SYTL2: variants seen among roughly 807,000 people sequenced by gnomAD.
SYTL2 encodes synaptotagmin like 2.
Under a neutral mutation model 198.7 loss-of-function variants are expected in SYTL2, and 165 were observed. The ratio of observed to expected loss-of-function variants is 0.83; its 90% CI spans 0.73 to 0.94. The LOEUF (loss-of-function observed/expected upper bound fraction) is 0.94. SYTL2 is among the 40% of genes least tolerant of loss of function. The pLI, the probability that SYTL2 is intolerant of heterozygous loss-of-function variation, is 0.00. For missense variants in SYTL2, 2,835 were observed against 2,582.8 expected (o/e 1.10, Z -2.12); for synonymous variants, 966 against 917.7 (o/e 1.05, Z -0.95).
chr11:85,716,961 C>A (rs1006404447), intron 11 of SYTL2: 1 of 152,308 alleles, frequency 6.6e-6, no homozygotes, highest in Admixed American at 6.6e-5. Flanking sequence ...AGAACATTTA[C>A]CATTCAAGGC....
At chr11:85,823,570 T>C in the SYTL2 span, among the ~76,000 whole-genome samples, 2 of 152,378 alleles carry the variant, frequency 1.3e-5, no homozygotes, top group Non-Finnish European at 2.9e-5. Context: ...TTTATTTCCC[T>C]TTTTGTTTCT....
chr11:85,781,427 C>G (rs1424275726), intron 1 of SYTL2, among the ~76,000 whole-genome samples: 1 of 152,090 alleles, frequency 6.6e-6, no homozygotes, highest in East Asian at 1.9e-4. Flanking sequence ...GGGGACACAG[C>G]CAAACCATAT....
chr11:85,713,284 A>G (rs2086629365), intron 12 of SYTL2, among the ~76,000 whole-genome samples: 1 of 152,222 alleles, frequency 6.6e-6, no homozygotes, highest in South Asian at 2.1e-4. Context: ...TTGATAATGA[A>G]GCCTTTTATT....
intron 1 of SYTL2, among the ~76,000 whole-genome samples, chr11:85,797,626 C>CA (rs563235406): frequency 7.5e-3 from 655 of 87,216 alleles, no homozygotes; most frequent in East Asian, 0.036. Flanking sequence ...GACTCCTTCT[C>CA]AAAAAAAAAA....
intron 3 of SYTL2, among the ~76,000 whole-genome samples, chr11:85,746,891 G>A (rs1203752463): frequency 1.3e-5 from 2 of 152,200 alleles, no homozygotes; most frequent in Admixed American, 6.5e-5. Context: ...ACATAATCTC[G>A]GGCAAGTTAC....
At chr11:85,839,716 G>A in the SYTL2 span, among the ~76,000 whole-genome samples, 2 of 152,140 alleles carry the variant, frequency 1.3e-5, no homozygotes, top group African/African-American at 4.8e-5. Context: ...CCAAATCTTA[G>A]CTATTGTAAA....
the SYTL2 span, among the ~76,000 whole-genome samples, chr11:85,839,744 TAA>T: frequency 6.6e-6 from 1 of 152,200 alleles, no homozygotes; most frequent in African/African-American, 2.4e-5. Context: ...GCAGTAAACA[TAA>T]GAGTGTACAT....
In SYTL2 at chr11:85,694,725, T is replaced by TTA. The variant is rs398045354; in HGVS notation, c.*469_*470insTA. On this transcript the variant is annotated 3_prime_UTR_variant, in exon 20 of 20. Transcript: ENST00000359152. Reference sequence around the variant, plus strand: ...GTTTCTTAAGGTCCATTTTTTTTTTTATCATCACTGATGTCTGTCTCCATT... The same window carrying TTA: ...GTTTCTTAAGGTCCATTTTTTTTTTTTAATCATCACTGATGTCTGTCTCCATT... 2.6e-5 allele frequency: 4 copies of TTA among 152,026 alleles called. No individual in the cohort carries two copies. The highest frequency in any genetic ancestry group is 2.1e-4 in the South Asian group (1 of 4,812). 9.4% of individuals were successfully genotyped at this position (152,026 alleles called of 1,614,324 possible). A position where few individuals can be genotyped will look rare whatever the true frequency, so the allele number is the denominator to read the frequency against.
chr11:85,707,470 C>T lies in SYTL2; in HGVS notation c.5977G>A (p.Val1993Met). ...GKMGKKKTLV[V>M]KKTLNPVYNE... ...TACACAGGATTCAAGGTTTTCTTCACTACGAGTGTTTTCTTCTTGCCCATT... is the reference window on the plus strand; with the variant it reads ...TACACAGGATTCAAGGTTTTCTTCATTACGAGTGTTTTCTTCTTGCCCATT... The change falls in exon 15 of 20, where the codon GTG becomes ATG. Residue 1993 changes from valine (V) to methionine (M), a missense_variant. Around this residue, in one of 3 missense-constraint regions of SYTL2, gnomAD observed 2,645 missense variants for 2,381.7 expected, o/e 1.11. Transcript: ENST00000359152. The T allele has an allele frequency of 6.2e-7, 1 of 1,614,066 alleles. No homozygotes were observed. Among genetic ancestry groups the T allele is most frequent in the South Asian group, 1.1e-5 (1 of 91,080 alleles).
In SYTL2 at chr11:85,734,707, C is replaced by T. The variant is rs146760470; in HGVS notation, c.622G>A (p.Ala208Thr). 272 of 1,613,172 alleles carry T rather than the reference C, an allele frequency of 1.7e-4. No individual in the cohort carries two copies. The highest frequency in any genetic ancestry group is 2.0e-4 in the South Asian group (18 of 90,902). Reference protein sequence around the residue: ...LSESKEKSTVADTSIQKLEKS... With the variant: ...LSESKEKSTVTDTSIQKLEKS... ...TCTAACTTTTGGATTGAAGTATCTG[C>T]GACAGTTGACTTTTCTTTTGACTCT... is the stretch of plus-strand genomic sequence containing the variant. The change falls in exon 7 of 20, where the codon GCA (alanine) becomes ACA (threonine). Residue 208 changes from alanine to threonine, a missense_variant. This residue lies in a region of SYTL2 where 2,645 missense variants were observed against 2,381.7 expected (regional missense o/e 1.11). Transcript: ENST00000359152.
chr11:85,760,419 G>GC (rs2092065461), intron 1 of SYTL2, among the ~76,000 whole-genome samples: 1 of 152,204 alleles, frequency 6.6e-6, no homozygotes, highest in Admixed American at 6.5e-5. Flanking sequence ...GTCTCTGAAT[G>GC]TGAACAAATA....
At chr11:85,845,294 C>T in the SYTL2 span, among the ~76,000 whole-genome samples, 1 of 152,222 alleles carries the variant, frequency 6.6e-6, no homozygotes, top group East Asian at 1.9e-4. Flanking sequence ...TGTCCAACAT[C>T]TGACCTCATG....
At chr11:85,844,578 T>C in the SYTL2 span, among the ~76,000 whole-genome samples, 1 of 152,212 alleles carries the variant, frequency 6.6e-6, no homozygotes, top group African/African-American at 2.4e-5. Flanking sequence ...GCATCTCACC[T>C]GAGTCATAGA....
intron 1 of SYTL2, among the ~76,000 whole-genome samples, chr11:85,784,913 G>T (rs186035491): frequency 6.6e-6 from 1 of 152,074 alleles, no homozygotes; most frequent in East Asian, 1.9e-4. Context: ...TTTCATCCTC[G>T]GAATCACTAG....
At chr11:85,765,306 C>T (rs1458769142) in intron 1 of SYTL2, among the ~76,000 whole-genome samples, 3 of 152,100 alleles carry the variant, frequency 2.0e-5, no homozygotes, top group Admixed American at 2.0e-4. Context: ...GCGTGATCTC[C>T]GCTCACTGCA....
At chr11:85,775,444 T>A (rs950364822) in intron 1 of SYTL2, among the ~76,000 whole-genome samples, 7 of 152,130 alleles carry the variant, frequency 4.6e-5, no homozygotes, top group African/African-American at 1.4e-4. Context: ...GGGAGGTAGG[T>A]AGAGCGGATA....
chr11:85,803,788 G>C (rs1047481356), intron 1 of SYTL2, among the ~76,000 whole-genome samples: 2 of 152,114 alleles, frequency 1.3e-5, no homozygotes, highest in Non-Finnish European at 2.9e-5. Flanking sequence ...TGTGACCTTG[G>C]GCAAAGGACT....
the SYTL2 span, among the ~76,000 whole-genome samples, chr11:85,835,613 A>C: frequency 5.3e-5 from 8 of 152,216 alleles, no homozygotes; most frequent in East Asian, 1.4e-3. Context: ...TATATCCAAT[A>C]ATCTTTCTAC....
rs552675268 is a variant in SYTL2 at position 85,778,124 on chromosome 11, TC to T, written c.-389-20011del. Among the ~76,000 whole-genome samples, 329 of 152,278 alleles carry T rather than the reference TC, an allele frequency of 2.2e-3. 2 individuals are homozygous for T. Among genetic ancestry groups the T allele is most frequent in the African/African-American group, 7.7e-3 (318 of 41,566 alleles). The stretch of plus-strand genomic sequence containing the variant: ...AGGAACCATCATGCCCGGCCGGTCT[TC>T]TTACTAGTGAGACTTTAGTCAACCT... On this transcript the variant is annotated intron_variant, in intron 1 of 19. Transcript: ENST00000359152.
Sources: allele counts gnomAD v4.1 joint callset (sites outside exome capture counted in the v4.1 genomes callset), GRCh38; gene constraint gnomAD v4.1.1; regional missense constraint gnomAD v4.1.1; transcripts MANE v1.5; gene names NCBI Gene and HGNC (gene_info 2026-07-23, HGNC 2026-07-21).